CTNNA3: variants seen among roughly 807,000 people sequenced by gnomAD.
The protein encoded by CTNNA3 is catenin alpha 3.
CTNNA3 carries 76 observed loss-of-function variants against 95.7 expected under a neutral mutation model. The ratio of observed to expected loss-of-function variants is 0.79; its 90% confidence interval spans 0.66 to 0.96. The LOEUF (loss-of-function observed/expected upper bound fraction) is 0.96. CTNNA3 is among the 40% of genes least tolerant of loss of function. The pLI, the probability that CTNNA3 is intolerant of heterozygous loss-of-function variation, is 0.00. For synonymous variants in CTNNA3, 431 were observed against 374.4 expected (o/e 1.15, Z -1.74); for missense variants, 1,191 against 1,089.8 (o/e 1.09, Z -1.31).
chr10:67,370,536 A>T (rs1843387053), intron 5 of CTNNA3, among the ~76,000 whole-genome samples: 1 of 152,222 alleles, frequency 6.6e-6, no homozygotes, highest in Admixed American at 6.5e-5. Context: ...TTACAATAGT[A>T]TAGTTTCATA....
At chr10:67,496,725 T>G (rs1387025342) in intron 5 of CTNNA3, among the ~76,000 whole-genome samples, 3 of 152,184 alleles carry the variant, frequency 2.0e-5, no homozygotes, top group African/African-American at 7.2e-5. Flanking sequence ...TCCATCAATT[T>G]TGGAATACAG....
At chr10:67,564,561 G>A in intron 3 of CTNNA3, among the ~76,000 whole-genome samples, 1 of 144,198 alleles carries the variant, frequency 6.9e-6, no homozygotes, top group South Asian at 2.4e-4. Flanking sequence ...GTTAATCGGT[G>A]CAGCACACCA....
At chr10:67,484,031 A>G (rs1216328699) in intron 5 of CTNNA3, among the ~76,000 whole-genome samples, 1 of 152,234 alleles carries the variant, frequency 6.6e-6, no homozygotes, top group Non-Finnish European at 1.5e-5. Context: ...AACAATCCTA[A>G]GCAAATAGAA....
intron 12 of CTNNA3, among the ~76,000 whole-genome samples, chr10:66,283,078 T>C (rs528445096): frequency 4.1e-4 from 63 of 151,918 alleles, no homozygotes; most frequent in African/African-American, 1.5e-3. Context: ...ATTACTTTTG[T>C]AGTGTTAAAA....
intron 13 of CTNNA3, among the ~76,000 whole-genome samples, chr10:66,196,966 C>A (rs1466200222): frequency 6.6e-6 from 1 of 151,890 alleles, no homozygotes; most frequent in Non-Finnish European, 1.5e-5. Context: ...GTATGTTAGG[C>A]AGGACAAATT....
intron 13 of CTNNA3, among the ~76,000 whole-genome samples, chr10:66,149,636 T>C (rs1564701664): frequency 1.3e-5 from 2 of 151,904 alleles, no homozygotes; most frequent in Non-Finnish European, 2.9e-5. Flanking sequence ...ATGATATTCT[T>C]ATTGCACTGT....
Position 67,708,155 on chromosome 10 carries a change from A to G in CTNNA3, c.-2+55279T>C, listed in dbSNP as rs1322083621. 3.9e-5 allele frequency among the ~76,000 whole-genome samples: 6 copies of G among 152,164 alleles called. No homozygotes were observed. The East Asian group carries it at 5.8e-4, about 15-fold the overall frequency. On this transcript the variant is annotated intron_variant, in intron 1 of 17. Transcript: ENST00000684154. ...GCTAAAATGAATGTTTTTCTCATTA[A>G]TTTTTCTCATTTAATTTTCCCAAGG... is the stretch of plus-strand genomic sequence containing the variant.
At chr10:66,221,799 G>T (rs923086858) in intron 13 of CTNNA3, among the ~76,000 whole-genome samples, 2 of 152,270 alleles carry the variant, frequency 1.3e-5, no homozygotes, top group Non-Finnish European at 1.5e-5. Flanking sequence ...TGCTGGGAGC[G>T]GGGGAATCTC....
chr10:66,390,124 T>C (rs1170083660), intron 11 of CTNNA3, among the ~76,000 whole-genome samples: 1 of 152,136 alleles, frequency 6.6e-6, no homozygotes, highest in African/African-American at 2.4e-5. Flanking sequence ...GAAAACAAAA[T>C]GTTAAATCAC....
At chr10:67,421,031 T>C (rs1311088933) in intron 5 of CTNNA3, among the ~76,000 whole-genome samples, 1 of 152,114 alleles carries the variant, frequency 6.6e-6, no homozygotes, top group Non-Finnish European at 1.5e-5. Flanking sequence ...TAACATCACC[T>C]TCATCTTATC....
intron 13 of CTNNA3, among the ~76,000 whole-genome samples, chr10:66,199,967 A>G (rs1163372770): frequency 6.7e-6 from 1 of 149,804 alleles, no homozygotes; most frequent in East Asian, 2.0e-4. Flanking sequence ...TTATCTTTTT[A>G]ACTAAATTCC....
chr10:66,743,983 A>AAAAG (rs1849415666), intron 9 of CTNNA3, among the ~76,000 whole-genome samples: 1 of 149,498 alleles, frequency 6.7e-6, no homozygotes. Flanking sequence ...TCAAAAAAAA[A>AAAAG]AAAAAAAAAA....
chr10:67,471,104 G>A (rs965353895), intron 5 of CTNNA3, among the ~76,000 whole-genome samples: 4 of 151,994 alleles, frequency 2.6e-5, no homozygotes, highest in Admixed American at 2.0e-4. Context: ...GGCAATTACC[G>A]GTGTGAGCCA....
At chr10:66,260,755 C>T (rs75283981) in intron 13 of CTNNA3, among the ~76,000 whole-genome samples, 7,027 of 151,990 alleles carry the variant, frequency 0.046, 282 homozygotes, top group African/African-American at 0.11. Flanking sequence ...TTTTCTTAAT[C>T]GTATCTTTAT....
At chr10:66,452,034 C>A (rs2093467981) in intron 11 of CTNNA3, among the ~76,000 whole-genome samples, 1 of 152,098 alleles carries the variant, frequency 6.6e-6, no homozygotes, top group Non-Finnish European at 1.5e-5. Flanking sequence ...GTTCCCTGGC[C>A]AGTTCTCCAG....
chr10:67,061,309 G>T (rs1855742617), intron 7 of CTNNA3, among the ~76,000 whole-genome samples: 1 of 152,114 alleles, frequency 6.6e-6, no homozygotes, highest in Admixed American at 6.6e-5. Context: ...TACATCAGGT[G>T]CATATTGCTA....
chr10:67,017,756 C>T lies in CTNNA3; in HGVS notation c.1047+162561G>A, dbSNP rs574319512. ...GTGTGTGTGTGTGTGTGTGTGTGCG[C>T]GCGTACAATTTTATGTGTACAATTT... On this transcript the variant is annotated intron_variant, in intron 7 of 17. Transcript: ENST00000433211. 3.9e-3 allele frequency among the ~76,000 whole-genome samples: 584 copies of T among 148,874 alleles called. 9 individuals are homozygous for T. Among genetic ancestry groups the T allele is most frequent in the African/African-American group, 0.014 (554 of 40,504 alleles).
intron 5 of CTNNA3, among the ~76,000 whole-genome samples, chr10:67,262,822 A>G (rs1267707702): frequency 6.6e-6 from 1 of 152,226 alleles, no homozygotes; most frequent in Non-Finnish European, 1.5e-5. Flanking sequence ...ATGAGAATGC[A>G]AAATAACACA....
rs544429307 is a variant in CTNNA3 at position 67,757,386 on chromosome 10, T to C, written c.-2+6048A>G. On this transcript the variant is annotated intron_variant, in intron 1 of 17. Transcript: ENST00000684154. ...GTATCAACTTGATTGGATTGAAGGA[T>C]GCAAAGTATTGTTCCTGGGTGTGTC... Among the ~76,000 whole-genome samples the C allele has an allele frequency of 2.6e-5, 4 of 152,324 alleles. No homozygotes were observed. In the East Asian group the frequency reaches 7.7e-4, roughly 29 times the overall value.
Sources: allele counts gnomAD v4.1 joint callset (sites outside exome capture counted in the v4.1 genomes callset), GRCh38; gene constraint gnomAD v4.1.1; transcripts MANE v1.5; gene names NCBI Gene and HGNC (gene_info 2026-07-23, HGNC 2026-07-21).